The following SEMA4D variants were observed in gnomAD, a reference collection of about 807,000 sequenced individuals.
SEMA4D encodes semaphorin 4D.
In SEMA4D, 22 loss-of-function variants were observed where a neutral mutation model predicts 74.8. The observed-to-expected ratio is 0.29, with a 90% CI of 0.21 to 0.42. The LOEUF is 0.42. Among genes scored for constraint, SEMA4D ranks in the 10% least tolerant of loss-of-function variants. The pLI is 1.00. For missense variants in SEMA4D, 937 were observed against 1,118.4 expected, an observed-to-expected ratio of 0.84 and a Z score of 2.31; for synonymous variants, 445 against 463.7, an observed-to-expected ratio of 0.96 and a Z score of 0.52.
At chr9:89,403,467 A>G (rs1487070649) in intron 3 of SEMA4D, among the ~76,000 whole-genome samples, 2 of 152,212 alleles carry the variant, frequency 1.3e-5, no homozygotes, top group Non-Finnish European at 2.9e-5. Context: ...TATTCAGGAA[A>G]AGAATGTTTT....
At chr9:89,450,366 A>G in intron 2 of SEMA4D, 1 of 1,014,344 alleles carries the variant, frequency 9.9e-7, no homozygotes, top group Admixed American at 1.7e-5. Flanking sequence ...CAGTGACATG[A>G]AAAGGCGTTT....
intron 2 of SEMA4D, among the ~76,000 whole-genome samples, chr9:89,443,386 G>A (rs1408935470): frequency 6.6e-6 from 1 of 152,208 alleles, no homozygotes; most frequent in Non-Finnish European, 1.5e-5. Flanking sequence ...ACGGGGCCTG[G>A]CTGCCCTGTC....
intron 9 of SEMA4D, 107 bp from the exon 10 acceptor site, chr9:89,389,154 C>G: frequency 8.6e-7 from 1 of 1,163,936 alleles, no homozygotes; most frequent in South Asian, 1.4e-5. Context: ...GCGGCTGTGC[C>G]TGACTGAAAC....
intron 1 of SEMA4D, among the ~76,000 whole-genome samples, chr9:89,473,563 CT>C (rs1860981657): frequency 3.3e-5 from 5 of 152,064 alleles, no homozygotes; most frequent in Middle Eastern, 3.4e-3. Context: ...GAGACCCTGT[CT>C]CAAAAACAAC....
At chr9:89,370,989 G>A (rs887788087) in intron 16 of SEMA4D, among the ~76,000 whole-genome samples, 2 of 109,966 alleles carry the variant, frequency 1.8e-5, no homozygotes, top group African/African-American at 7.3e-5. Context: ...GGTGAGCTGT[G>A]TCAGGGGTAT....
intron 2 of SEMA4D, among the ~76,000 whole-genome samples, chr9:89,453,531 A>G (rs1171801278): frequency 6.6e-6 from 1 of 152,224 alleles, no homozygotes; most frequent in Non-Finnish European, 1.5e-5. Context: ...GATGGCCCCC[A>G]GGCCGTGTTT....
At chr9:89,471,139 G>A (rs185742696) in intron 1 of SEMA4D, among the ~76,000 whole-genome samples, 38 of 152,334 alleles carry the variant, frequency 2.5e-4, no homozygotes, top group Middle Eastern at 3.4e-3. Flanking sequence ...AGACACAAAA[G>A]GAGAAACACT....
At chr9:89,473,850 AAAAACAAAAC>A (rs199999984) in intron 1 of SEMA4D, among the ~76,000 whole-genome samples, 6 of 152,112 alleles carry the variant, frequency 3.9e-5, no homozygotes, top group African/African-American at 1.2e-4. Flanking sequence ...CTCCATCTCA[AAAAACAAAAC>A]AAAACAAAAC....
rs375065729 is a variant in SEMA4D, at chr9:89,379,235, G to A, written c.2058C>T (p.Ala686=). Residue 686 remains alanine, a synonymous_variant, in exon 16 of 16, where the codon GCC becomes GCT. Coordinates refer to ENST00000422704, the MANE Select transcript of SEMA4D (RefSeq NM_001371194.2). ...STQGSSPPTP[A]VQATSSGAIT... ...TGGCCCCGGAGGAGGTGGCCTGCAC[G>A]GCTGGGGTTGGGGGAGAAGACCCTT... is the stretch of plus-strand genomic sequence containing the variant. 103 of 1,613,960 alleles carry A rather than the reference G, an allele frequency of 6.4e-5. No homozygotes were observed. The highest frequency in any genetic ancestry group is 7.8e-5 in the Non-Finnish European group (92 of 1,179,968).
intron 1 of SEMA4D, among the ~76,000 whole-genome samples, chr9:89,462,268 T>C (rs1026512541): frequency 2.0e-5 from 3 of 152,228 alleles, no homozygotes; most frequent in Non-Finnish European, 4.4e-5. Context: ...GTATAGATCA[T>C]CTGGCTAACT....
At chr9:89,395,389 A>T (rs1006831974) in intron 6 of SEMA4D, among the ~76,000 whole-genome samples, 2 of 151,612 alleles carry the variant, frequency 1.3e-5, no homozygotes, top group Non-Finnish European at 2.9e-5. Context: ...GCATCACTGT[A>T]CTCCAGCCTG....
chr9:89,397,368 C>G (rs1841209091), intron 5 of SEMA4D, among the ~76,000 whole-genome samples: 1 of 152,128 alleles, frequency 6.6e-6, no homozygotes. Context: ...TTCTGGAGAC[C>G]CCACCCTGCC....
At chr9:89,467,886 G>A (rs1290963563) in intron 1 of SEMA4D, among the ~76,000 whole-genome samples, 1 of 152,206 alleles carries the variant, frequency 6.6e-6, no homozygotes, top group Admixed American at 6.5e-5. Flanking sequence ...AGGGAGAGCT[G>A]GCAGTGGCAT....
At chr9:89,430,105 C>G (rs974734269) in intron 2 of SEMA4D, among the ~76,000 whole-genome samples, 6 of 151,846 alleles carry the variant, frequency 4.0e-5, no homozygotes, top group African/African-American at 1.5e-4. Flanking sequence ...GCAAGTCATG[C>G]CCAAAGCATC....
At chr9:89,494,484 G>A (rs1825859250) in intron 1 of SEMA4D, among the ~76,000 whole-genome samples, 1 of 152,214 alleles carries the variant, frequency 6.6e-6, no homozygotes, top group Non-Finnish European at 1.5e-5. Flanking sequence ...TCCGTGCTGA[G>A]CGCCTGCACT....
chr9:89,465,786 T>A (rs1350140499), intron 1 of SEMA4D, among the ~76,000 whole-genome samples: 2 of 152,236 alleles, frequency 1.3e-5, no homozygotes, highest in African/African-American at 4.8e-5. Context: ...CGGATATCTA[T>A]GACTTACAGA....
chr9:89,387,058 C>A, intron 12 of SEMA4D: 1 of 273,012 alleles, frequency 3.7e-6, no homozygotes, highest in Non-Finnish European at 6.9e-6. Context: ...GACGCCTCCT[C>A]CCAGGTGGCT....
At chr9:89,417,717 A>C (rs550571902) in intron 2 of SEMA4D, among the ~76,000 whole-genome samples, 3 of 152,316 alleles carry the variant, frequency 2.0e-5, no homozygotes, top group Admixed American at 2.0e-4. Flanking sequence ...AAAAGAAGAG[A>C]GTAAGCTTTC....
chr9:89,403,124 C>CT, intron 3 of SEMA4D, 108 bp from the exon 4 acceptor site: 1 of 1,311,752 alleles, frequency 7.6e-7, no homozygotes, highest in Non-Finnish European at 1.1e-6. Context: ...ATGAGCACGT[C>CT]TGGGTGCAGT....
Sources: allele counts gnomAD v4.1 joint callset (sites outside exome capture counted in the v4.1 genomes callset), GRCh38; gene constraint gnomAD v4.1.1; transcripts MANE v1.5; gene names NCBI Gene and HGNC (gene_info 2026-07-23, HGNC 2026-07-21).